The following FUT9 variants were observed in gnomAD, a reference collection of about 807,000 sequenced individuals.
FUT9 encodes the protein 4-galactosyl-N-acetylglucosaminide 3-alpha-L-fucosyltransferase 9.
FUT9 carries 15 observed loss-of-function variants against 29.7 expected under a neutral mutation model. That is an observed-to-expected ratio of 0.51 (90% confidence interval 0.34 to 0.78). The LOEUF is 0.78. Among genes scored for constraint, FUT9 ranks in the 30% least tolerant of loss-of-function variants. FUT9 has a pLI of 0.01. For synonymous variants in FUT9, 169 were observed against 153.7 expected, an observed-to-expected ratio of 1.10 and a Z score of -0.74; for missense variants, 319 against 425.4, an observed-to-expected ratio of 0.75 and a Z score of 2.20.
chr6:96,054,618 A>G (rs985065394), intron 1 of FUT9, among the ~76,000 whole-genome samples: 3 of 152,242 alleles, frequency 2.0e-5, no homozygotes, highest in African/African-American at 4.8e-5. Flanking sequence ...TCATAATGCA[A>G]TGTAGCAGAT....
intron 2 of FUT9, among the ~76,000 whole-genome samples, chr6:96,179,022 G>A (rs1773258737): frequency 6.6e-6 from 1 of 151,846 alleles, no homozygotes; most frequent in Non-Finnish European, 1.5e-5. Context: ...AAAGAATCTG[G>A]GTCTTATTTT....
intron 2 of FUT9, among the ~76,000 whole-genome samples, chr6:96,172,675 A>G (rs1773134321): frequency 6.6e-6 from 1 of 152,112 alleles, no homozygotes; most frequent in Non-Finnish European, 1.5e-5. Flanking sequence ...CTGGACAAAC[A>G]CTAAAAGTTT....
intron 2 of FUT9, among the ~76,000 whole-genome samples, chr6:96,139,626 A>G (rs1032305569): frequency 6.6e-6 from 1 of 152,044 alleles, no homozygotes; most frequent in Non-Finnish European, 1.5e-5. Context: ...AGGCATTTCC[A>G]TACATCCTCT....
chr6:96,179,696 A>G (rs2127985543), intron 2 of FUT9, among the ~76,000 whole-genome samples: 1 of 152,296 alleles, frequency 6.6e-6, no homozygotes, highest in East Asian at 1.9e-4. Flanking sequence ...ATACATAAGA[A>G]CAATAAAAAT....
intron 1 of FUT9, among the ~76,000 whole-genome samples, chr6:96,072,604 G>T (rs1256613391): frequency 6.6e-6 from 1 of 152,140 alleles, no homozygotes; most frequent in Non-Finnish European, 1.5e-5. Context: ...TATGGGGTAT[G>T]CACATGGTTA....
chr6:96,129,340 G>A (rs1161040152), intron 2 of FUT9, among the ~76,000 whole-genome samples: 6 of 151,426 alleles, frequency 4.0e-5, no homozygotes, highest in Admixed American at 1.3e-4. Flanking sequence ...AGCTATCCGG[G>A]AGGCAGAGGT....
At chr6:96,090,128 A>G (rs1771386201) in intron 1 of FUT9, among the ~76,000 whole-genome samples, 1 of 152,122 alleles carries the variant, frequency 6.6e-6, no homozygotes, top group Admixed American at 6.6e-5. Flanking sequence ...CCCATAAGAA[A>G]GAGTTAACAT....
At chr6:96,133,643 A>T (rs148244870) in intron 2 of FUT9, among the ~76,000 whole-genome samples, 1 of 151,912 alleles carries the variant, frequency 6.6e-6, no homozygotes, top group African/African-American at 2.4e-5. Flanking sequence ...CATACATTGA[A>T]CTTACTGCCA....
At chr6:96,026,768 T>G (rs997631607) in intron 1 of FUT9, among the ~76,000 whole-genome samples, 25 of 151,708 alleles carry the variant, frequency 1.6e-4, no homozygotes, top group Admixed American at 6.6e-5. Flanking sequence ...TTCTTTGTAT[T>G]AACACAATGG....
chr6:96,093,730 TAC>T (rs1380368915), intron 1 of FUT9, among the ~76,000 whole-genome samples: 2 of 152,094 alleles, frequency 1.3e-5, no homozygotes, highest in Non-Finnish European at 2.9e-5. Flanking sequence ...TGGATCCACA[TAC>T]ACACACAAAA....
chr6:96,100,564 A>G (rs1291442284), intron 1 of FUT9, among the ~76,000 whole-genome samples: 1 of 152,222 alleles, frequency 6.6e-6, no homozygotes, highest in African/African-American at 2.4e-5. Flanking sequence ...AAGCCAAAAT[A>G]TGGACAAGAA....
intron 1 of FUT9, among the ~76,000 whole-genome samples, chr6:96,030,107 T>C (rs557538573): frequency 1.2e-4 from 18 of 151,746 alleles, no homozygotes; most frequent in Non-Finnish European, 2.4e-4. Context: ...AGTAACTATA[T>C]AGAAGGCCTG....
intron 1 of FUT9, among the ~76,000 whole-genome samples, chr6:96,113,628 G>A (rs1355919787): frequency 6.6e-6 from 1 of 151,738 alleles, no homozygotes; most frequent in Non-Finnish European, 1.5e-5. Context: ...GGCCGAGGCG[G>A]GCGGATCACG....
At chr6:96,104,263 T>C (rs147308308) in intron 1 of FUT9, among the ~76,000 whole-genome samples, 43 of 152,334 alleles carry the variant, frequency 2.8e-4, no homozygotes, top group African/African-American at 1.0e-3. Context: ...ATGAAAAGGA[T>C]ACTTAAGCAG....
intron 1 of FUT9, among the ~76,000 whole-genome samples, chr6:96,107,999 T>G (rs575887067): frequency 5.3e-5 from 8 of 151,754 alleles, no homozygotes; most frequent in South Asian, 4.2e-4. Context: ...TTTTTTTTTT[T>G]GTCAGATATT....
At chr6:96,134,030 A>G (rs1230947536) in intron 2 of FUT9, among the ~76,000 whole-genome samples, 1 of 151,818 alleles carries the variant, frequency 6.6e-6, no homozygotes, top group Non-Finnish European at 1.5e-5. Context: ...AAGCCCACAA[A>G]ATATGATGAC....
At position 96,208,773 on chromosome 6, in the gene FUT9, G is replaced by T. The variant is rs9373720; in HGVS notation, c.*4538G>T. ...CTGTTTCTAAAAGGAAAGAAAATTA[G>T]TATTTAAGGAGAGTATAAAGTGCGA... On this transcript the variant is annotated 3_prime_UTR_variant, in exon 3 of 3. Coordinates refer to ENST00000302103, the MANE Select transcript of FUT9 (RefSeq NM_006581.4). The T allele has an allele frequency of 0.14, 23,871 of 166,656 alleles. 1,915 individuals are homozygous for T. The highest frequency in any genetic ancestry group is 0.18 in the Non-Finnish European group (12,312 of 67,912). The allele number at this position is 166,656 out of a possible 1,614,324, so 10.3% of individuals were successfully genotyped here. A position where few individuals can be genotyped will look rare whatever the true frequency, so the allele number is the denominator to read the frequency against.
At chr6:96,183,980 C>A (rs1773357830) in intron 2 of FUT9, among the ~76,000 whole-genome samples, 1 of 152,014 alleles carries the variant, frequency 6.6e-6, no homozygotes, top group Non-Finnish European at 1.5e-5. Context: ...GGAGGATTCC[C>A]TCTTTCTCTA....
chr6:96,027,824 G>T (rs572226502), intron 1 of FUT9, among the ~76,000 whole-genome samples: 1 of 151,566 alleles, frequency 6.6e-6, no homozygotes, highest in South Asian at 2.1e-4. Context: ...TTTTTCCAGA[G>T]CCATTTTGGA....
Sources: gnomAD v4.1 joint callset for allele counts (sites outside exome capture counted in the v4.1 genomes callset) on GRCh38, gnomAD v4.1.1 for gene constraint, MANE v1.5 for transcripts, NCBI Gene and HGNC (gene_info 2026-07-23, HGNC 2026-07-21) for gene names.